CNTN5: variants seen among roughly 807,000 people sequenced by gnomAD.
CNTN5 encodes contactin 5, also known as contactin-5.
Under a neutral mutation model 129.1 loss-of-function variants are expected in CNTN5, and 77 were observed. The ratio of observed to expected loss-of-function variants is 0.60; its 90% confidence interval spans 0.50 to 0.72. CNTN5 has a LOEUF of 0.72. Among genes scored for constraint, CNTN5 ranks in the 30% least tolerant of loss-of-function variants. CNTN5 has a pLI of 0.00. For synonymous variants in CNTN5, 509 were observed against 465.6 expected (o/e 1.09, Z -1.20); for missense variants, 1,478 against 1,328.8 (o/e 1.11, Z -1.75).
chr11:99,059,468 C>T (rs10750185), intron 1 of CNTN5, among the ~76,000 whole-genome samples: 91,154 of 151,862 alleles, frequency 0.6, 27,365 homozygotes, highest in South Asian at 0.64. Context: ...GAGCTAAATG[C>T]ACACAGAATA....
At chr11:99,486,127 T>C (rs540144370) in intron 2 of CNTN5, among the ~76,000 whole-genome samples, 18 of 152,190 alleles carry the variant, frequency 1.2e-4, no homozygotes, top group African/African-American at 3.6e-4. Flanking sequence ...ATTTGGTCTT[T>C]TCTGCTTTTA....
intron 1 of CNTN5, among the ~76,000 whole-genome samples, chr11:99,022,510 T>C (rs1489995207): frequency 2.0e-5 from 3 of 152,196 alleles, no homozygotes; most frequent in African/African-American, 4.8e-5. Context: ...TATTTCATGC[T>C]CAAATTATTC....
chr11:100,224,303 A>G lies in CNTN5; in HGVS notation c.1885-389A>G, dbSNP rs180891908. ...TTTGATTGCTATCTTTTCACAATTC[A>G]TTTCCCACAAGTTGCTGTTCCTTTC... On this transcript the variant is annotated intron_variant, in intron 15 of 24. Coordinates refer to ENST00000524871, the MANE Select transcript of CNTN5 (RefSeq NM_014361.4). Among the ~76,000 whole-genome samples the G allele has an allele frequency of 2.6e-3, 389 of 152,148 alleles. 6 individuals are homozygous for G. Among genetic ancestry groups the G allele is most frequent in the African/African-American group, 9.0e-3 (372 of 41,506 alleles).
chr11:99,962,765 T>G (rs1475957530), intron 8 of CNTN5, among the ~76,000 whole-genome samples: 42 of 151,714 alleles, frequency 2.8e-4, no homozygotes, highest in African/African-American at 9.7e-4. Flanking sequence ...GTAGTTTACA[T>G]TCCCACCAAC....
chr11:99,066,205 GCGAT>G (rs1865096769), intron 1 of CNTN5, among the ~76,000 whole-genome samples: 1 of 152,122 alleles, frequency 6.6e-6, no homozygotes, highest in Non-Finnish European at 1.5e-5. Context: ...CTGGGTTCAT[GCGAT>G]TCTCCTGCCT....
At chr11:99,444,293 G>A (rs570979905) in intron 2 of CNTN5, among the ~76,000 whole-genome samples, 40 of 152,140 alleles carry the variant, frequency 2.6e-4, no homozygotes, top group Non-Finnish European at 4.9e-4. Flanking sequence ...GTCATATTAA[G>A]TCAGAGGTTA....
At chr11:100,041,734 T>G (rs34263526) in intron 9 of CNTN5, among the ~76,000 whole-genome samples, 12,403 of 152,290 alleles carry the variant, frequency 0.081, 608 homozygotes, top group East Asian at 0.19. Context: ...GAAAAGATTA[T>G]AATTGTTTTA....
intron 6 of CNTN5, among the ~76,000 whole-genome samples, chr11:99,852,852 C>G (rs1304267932): frequency 6.6e-6 from 1 of 152,096 alleles, no homozygotes; most frequent in African/African-American, 2.4e-5. Context: ...ATTAATTGTC[C>G]TTAATCCTTA....
intron 6 of CNTN5, among the ~76,000 whole-genome samples, chr11:99,906,967 G>A (rs187918303): frequency 4.6e-5 from 7 of 152,138 alleles, no homozygotes; most frequent in Non-Finnish European, 8.8e-5. Flanking sequence ...GATCAGTGGT[G>A]ATATCCACTT....
rs577646301 is a variant in CNTN5 at position 99,591,704 on chromosome 11, A to G, written c.55+35435A>G. 2.6e-5 allele frequency among the ~76,000 whole-genome samples: 4 copies of G among 152,232 alleles called. No homozygotes were observed. The South Asian group carries it at 8.3e-4, about 32-fold the overall frequency. On this transcript the variant is annotated intron_variant, in intron 3 of 24. Coordinates refer to ENST00000524871, the MANE Select transcript of CNTN5 (RefSeq NM_014361.4). ...GAGATAACGAGATACTGTCATGGAT[A>G]TTGTAAGAATTGTGGAGTAAAGAGA...
At chr11:100,041,683 A>G (rs575567585) in intron 9 of CNTN5, among the ~76,000 whole-genome samples, 15 of 152,348 alleles carry the variant, frequency 9.8e-5, no homozygotes, top group Non-Finnish European at 2.1e-4. Flanking sequence ...TGACCTCAGC[A>G]TTTATTGCTT....
chr11:99,345,384 C>T (rs1937769069), intron 2 of CNTN5, among the ~76,000 whole-genome samples: 1 of 152,030 alleles, frequency 6.6e-6, no homozygotes, highest in African/African-American at 2.4e-5. Context: ...TTCAACTATC[C>T]CATTCCTATC....
At chr11:99,886,429 A>C (rs1948903143) in intron 6 of CNTN5, among the ~76,000 whole-genome samples, 1 of 152,186 alleles carries the variant, frequency 6.6e-6, no homozygotes, top group Non-Finnish European at 1.5e-5. Flanking sequence ...GGTAAAACAT[A>C]AATATGCTCA....
At chr11:99,360,140 C>G (rs1939002470) in intron 2 of CNTN5, among the ~76,000 whole-genome samples, 1 of 152,286 alleles carries the variant, frequency 6.6e-6, no homozygotes, top group Non-Finnish European at 1.5e-5. Context: ...TCTTTGGTTC[C>G]ATGGCCCACC....
At chr11:99,648,078 T>C (rs1349578073) in intron 3 of CNTN5, among the ~76,000 whole-genome samples, 1 of 151,984 alleles carries the variant, frequency 6.6e-6, no homozygotes, top group Non-Finnish European at 1.5e-5. Flanking sequence ...ATAGCCTTTA[T>C]TGTGTTGAGG....
chr11:99,038,557 ACT>A (rs1863854838), intron 1 of CNTN5, among the ~76,000 whole-genome samples: 1 of 152,058 alleles, frequency 6.6e-6, no homozygotes, highest in Non-Finnish European at 1.5e-5. Context: ...AAATCCATTG[ACT>A]CAATGAATTT....
At chr11:99,328,547 T>G (rs1865875036) in intron 2 of CNTN5, among the ~76,000 whole-genome samples, 1 of 152,146 alleles carries the variant, frequency 6.6e-6, no homozygotes, top group African/African-American at 2.4e-5. Context: ...TCCAGTATTT[T>G]ATAGGAAAAT....
intron 3 of CNTN5, among the ~76,000 whole-genome samples, chr11:99,711,364 A>C (rs144494477): frequency 6.6e-5 from 10 of 152,040 alleles, no homozygotes; most frequent in South Asian, 2.1e-4. Context: ...TCACAGCTAT[A>C]TTACCTAACT....
chr11:99,996,559 C>T (rs935639829), intron 8 of CNTN5, among the ~76,000 whole-genome samples: 2 of 151,976 alleles, frequency 1.3e-5, no homozygotes, highest in Non-Finnish European at 2.9e-5. Flanking sequence ...TTTATAGCTC[C>T]ATTTACTCTC....
Sources: allele counts gnomAD v4.1 joint callset (sites outside exome capture counted in the v4.1 genomes callset), GRCh38; gene constraint gnomAD v4.1.1; transcripts MANE v1.5; gene names NCBI Gene and HGNC (gene_info 2026-07-23, HGNC 2026-07-21).